Variants in GALK2 observed in about 807,000 individuals in gnomAD.
The protein encoded by GALK2 is galactokinase 2, also known as N-acetylgalactosamine kinase.
In GALK2, 36 loss-of-function variants were observed where a neutral mutation model predicts 52.4. That is an observed-to-expected ratio of 0.69 (90% CI 0.53 to 0.91). GALK2 has a LOEUF of 0.91. GALK2 is among the 40% of genes least tolerant of loss of function. The probability of loss-of-function intolerance (pLI) is 0.00; values close to 1 mark genes in which losing one functional copy is unlikely to be tolerated. For synonymous variants in GALK2, 176 were observed against 199.1 expected (o/e 0.88, Z 0.98); for missense variants, 579 against 559.1 (o/e 1.04, Z -0.36).
chr15:49,253,334 G>A (rs1160195731), intron 5 of GALK2, among the ~76,000 whole-genome samples: 1 of 144,256 alleles, frequency 6.9e-6, no homozygotes, highest in East Asian at 1.9e-4. Context: ...GGGTTCTCTT[G>A]TCTACTACAG....
At chr15:49,190,503 T>C (rs1214685849) in intron 1 of GALK2, among the ~76,000 whole-genome samples, 3 of 152,258 alleles carry the variant, frequency 2.0e-5, no homozygotes, top group African/African-American at 7.2e-5. Flanking sequence ...AAATAAAATC[T>C]TTAACATATG....
At chr15:49,321,807 CGT>C (rs1216574453) in intron 9 of GALK2, among the ~76,000 whole-genome samples, 1 of 152,142 alleles carries the variant, frequency 6.6e-6, no homozygotes, top group African/African-American at 2.4e-5. Flanking sequence ...CGTGTGTGTA[CGT>C]GTGTGTTTGT....
chr15:49,304,845 TAGAC>T (rs938042400), intron 8 of GALK2, among the ~76,000 whole-genome samples: 5 of 152,374 alleles, frequency 3.3e-5, no homozygotes, highest in African/African-American at 7.2e-5. Context: ...ATTTAAGAAT[TAGAC>T]AGACATACTG....
chr15:49,317,391 T>TGGG (rs1412141316), intron 8 of GALK2, among the ~76,000 whole-genome samples: 1 of 111,576 alleles, frequency 9.0e-6, no homozygotes, highest in Non-Finnish European at 2.2e-5. Flanking sequence ...AAGGCGGTTA[T>TGGG]TAAAAAGTCA....
intron 2 of GALK2, among the ~76,000 whole-genome samples, chr15:49,216,780 A>G (rs2089413679): frequency 6.6e-6 from 1 of 152,116 alleles, no homozygotes; most frequent in Non-Finnish European, 1.5e-5. Flanking sequence ...TTTCTGTAAC[A>G]TGGCTGCACT....
At chr15:49,222,450 T>C (rs2089861576) in intron 3 of GALK2, among the ~76,000 whole-genome samples, 1 of 152,194 alleles carries the variant, frequency 6.6e-6, no homozygotes, top group Non-Finnish European at 1.5e-5. Context: ...AGTAGTGATA[T>C]TGGTCATCTT....
chr15:49,225,862 C>T (rs951237878), intron 3 of GALK2, among the ~76,000 whole-genome samples: 9 of 152,236 alleles, frequency 5.9e-5, no homozygotes, highest in African/African-American at 2.2e-4. Context: ...GCTTCCAGAC[C>T]TCTGAGAAAG....
chr15:49,223,841 AATGAACAT>A (rs1031226431), intron 3 of GALK2, among the ~76,000 whole-genome samples: 3 of 151,710 alleles, frequency 2.0e-5, no homozygotes, highest in Admixed American at 2.0e-4. Flanking sequence ...ATAGTGCTTC[AATGAACAT>A]ATGAGTGCAT....
At chr15:49,335,629 G>T, downstream of GALK2, 1 of 568,752 alleles carries the variant, frequency 1.8e-6, no homozygotes, top group South Asian at 2.7e-5. Flanking sequence ...GTATAAACAT[G>T]AATATTATGT....
chr15:49,339,914 CTG>C (rs1357057129), intron 3 of GALK2, among the ~76,000 whole-genome samples: 4 of 152,188 alleles, frequency 2.6e-5, no homozygotes, highest in Non-Finnish European at 4.4e-5. Flanking sequence ...TTTGTTTACA[CTG>C]TGCGGGTAAA....
At chr15:49,166,440 C>T (rs1257086077), upstream of GALK2, among the ~76,000 whole-genome samples, 1 of 151,976 alleles carries the variant, frequency 6.6e-6, no homozygotes, top group Non-Finnish European at 1.5e-5. Flanking sequence ...AATAAGGGGC[C>T]GGGTGCAGTA....
At chr15:49,273,604 T>A (rs952927400) in intron 5 of GALK2, among the ~76,000 whole-genome samples, 1 of 152,004 alleles carries the variant, frequency 6.6e-6, no homozygotes, top group Non-Finnish European at 1.5e-5. Context: ...TTAGAGCTTG[T>A]TCATCAGCCA....
intron 5 of GALK2, among the ~76,000 whole-genome samples, chr15:49,261,363 CTGTT>C (rs1216745016): frequency 2.8e-5 from 4 of 145,414 alleles, no homozygotes; most frequent in African/African-American, 7.7e-5. Context: ...ATTTAGCTGT[CTGTT>C]TGTCTGTTAT....
At chr15:49,196,459 C>G (rs537830910) in intron 1 of GALK2, among the ~76,000 whole-genome samples, 2 of 152,162 alleles carry the variant, frequency 1.3e-5, no homozygotes, top group East Asian at 3.9e-4. Context: ...ATTTCTAGTT[C>G]TATTGCATTG....
exon 4 of GALK2, chr15:49,367,533 A>G: frequency 1.2e-6 from 2 of 1,608,076 alleles, no homozygotes. Context: ...TTAAGATAAT[A>G]TAAAATCAAT....
chr15:49,223,375 A>C (rs1169772748), intron 3 of GALK2, among the ~76,000 whole-genome samples: 1 of 152,116 alleles, frequency 6.6e-6, no homozygotes, highest in Non-Finnish European at 1.5e-5. Flanking sequence ...TTTCAGTAAA[A>C]TAATTTCAAC....
chr15:49,224,745 A>G (rs931552134), intron 3 of GALK2, among the ~76,000 whole-genome samples: 1 of 152,176 alleles, frequency 6.6e-6, no homozygotes, highest in African/African-American at 2.4e-5. Context: ...GCCTTGTAGT[A>G]TAATTTGAAG....
intron 9 of GALK2, chr15:49,327,021 A>AAGAATTAATTGTAAGTACATGTT (rs2037620042): frequency 1.3e-5 from 2 of 152,156 alleles, no homozygotes; most frequent in Non-Finnish European, 1.5e-5. Flanking sequence ...TTTTATTAAG[A>AAGAATTAATTGTAAGTACATGTT]AGAATTAATT....
intron 3 of GALK2, among the ~76,000 whole-genome samples, chr15:49,347,180 C>T (rs1157217606): frequency 6.6e-6 from 1 of 152,132 alleles, no homozygotes; most frequent in Non-Finnish European, 1.5e-5. Context: ...AACATTAACA[C>T]TTATTCAAGT....
Sources: gnomAD v4.1 joint callset for allele counts (sites outside exome capture counted in the v4.1 genomes callset) on GRCh38, gnomAD v4.1.1 for gene constraint, MANE v1.5 for transcripts, NCBI Gene and HGNC (gene_info 2026-07-23, HGNC 2026-07-21) for gene names.